Variants in HSCB observed in about 807,000 individuals in gnomAD.
The protein encoded by HSCB is iron-sulfur cluster co-chaperone protein HscB.
HSCB carries 23 observed loss-of-function variants against 31.3 expected under a neutral mutation model. The observed-to-expected ratio is 0.74, with a 90% confidence interval of 0.53 to 1.04. The LOEUF (loss-of-function observed/expected upper bound fraction) is 1.04. HSCB is among the 50% of genes least tolerant of loss of function. HSCB has a pLI of 0.00. For synonymous variants in HSCB, 110 were observed against 104.5 expected (o/e 1.05, Z -0.32); for missense variants, 297 against 288.1 (o/e 1.03, Z -0.22).
intron 1 of HSCB, among the ~76,000 whole-genome samples, chr22:28,743,235 C>T (rs915944031): frequency 2.0e-5 from 3 of 151,924 alleles, no homozygotes; most frequent in African/African-American, 7.3e-5. Context: ...TCTGGCTAAG[C>T]CGACCTAACG....
intron 4 of HSCB, among the ~76,000 whole-genome samples, chr22:28,748,997 C>G (rs1418671795): frequency 6.6e-6 from 1 of 152,028 alleles, no homozygotes; most frequent in Non-Finnish European, 1.5e-5. Context: ...AAAAATTAAC[C>G]AGATGTGGTG....
At chr22:28,754,791 C>T (rs2030487596) in intron 5 of HSCB, among the ~76,000 whole-genome samples, 1 of 129,760 alleles carries the variant, frequency 7.7e-6, no homozygotes, top group Non-Finnish European at 1.6e-5. Flanking sequence ...TCATGTGTTA[C>T]CAACTTAATT....
intron 1 of HSCB, chr22:28,742,570 G>C: frequency 3.2e-6 from 2 of 618,486 alleles, no homozygotes; most frequent in Non-Finnish European, 5.3e-6. Flanking sequence ...GGAGGGGCGG[G>C]CGCTGAAGTT....
chr22:28,745,650 C>G, intron 3 of HSCB: 1 of 393,624 alleles, frequency 2.5e-6, no homozygotes, highest in Non-Finnish European at 4.5e-6. Context: ...ACCCCAAGAT[C>G]ACACCAAGGT....
At chr22:28,744,331 C>A (rs1338553640) in intron 2 of HSCB, among the ~76,000 whole-genome samples, 2 of 152,194 alleles carry the variant, frequency 1.3e-5, no homozygotes, top group Non-Finnish European at 2.9e-5. Flanking sequence ...GCAGGCAGAT[C>A]ACTTGAAGTC....
rs1162668268 is a variant in HSCB, at chr22:28,746,476, G to A, written c.568+468G>A. On this transcript the variant is annotated intron_variant, in intron 4 of 5. Transcript: ENST00000216027. ...ATCTAAAATCTATAGGGTAGGGCTG[G>A]GCACAGTGGCTCATGCCTGTAATCC... 2.6e-5 allele frequency among the ~76,000 whole-genome samples: 4 copies of A among 152,098 alleles called. No individual in the cohort carries two copies. The South Asian group carries it at 6.2e-4, about 24-fold the overall frequency.
intron 5 of HSCB, among the ~76,000 whole-genome samples, chr22:28,753,160 GA>G: frequency 6.6e-6 from 1 of 152,184 alleles, no homozygotes; most frequent in Non-Finnish European, 1.5e-5. Context: ...GACCATTGGA[GA>G]AAGGAATAAG....
chr22:28,746,697 C>T (rs1010374439), intron 4 of HSCB, among the ~76,000 whole-genome samples: 15 of 151,942 alleles, frequency 9.9e-5, no homozygotes, highest in East Asian at 1.9e-4. Flanking sequence ...GTTGGGAGTT[C>T]GAGACCAGCC....
At chr22:28,750,969 T>A (rs1601398906) in intron 4 of HSCB, among the ~76,000 whole-genome samples, 1 of 144,458 alleles carries the variant, frequency 6.9e-6, no homozygotes, top group Non-Finnish European at 1.5e-5. Flanking sequence ...TTTTTTTTTT[T>A]ACTGATTCTA....
At chr22:28,752,688 C>A (rs998763456) in intron 5 of HSCB, among the ~76,000 whole-genome samples, 1 of 149,538 alleles carries the variant, frequency 6.7e-6, no homozygotes, top group African/African-American at 2.5e-5. Context: ...GAGCAGAGAT[C>A]GCGCCACTGC....
chr22:28,748,613 A>G (rs975809596), intron 4 of HSCB, among the ~76,000 whole-genome samples: 5 of 151,592 alleles, frequency 3.3e-5, no homozygotes, highest in Non-Finnish European at 7.4e-5. Flanking sequence ...CCCAGGTTCC[A>G]GCTATTCTCC....
At chr22:28,742,737 G>A (rs771244231) in intron 1 of HSCB, 38 of 211,200 alleles carry the variant, frequency 1.8e-4, no homozygotes, top group Non-Finnish European at 3.3e-4. Flanking sequence ...GGGTGAGTAA[G>A]GTTTAAAGTT....
intron 2 of HSCB, 62 bp downstream of exon 2, chr22:28,744,040 T>C: frequency 5.6e-6 from 7 of 1,243,488 alleles, no homozygotes; most frequent in Non-Finnish European, 8.3e-6. Context: ...GGCAGTAGCC[T>C]TGTGGTTATG....
Position 28,745,856 on chromosome 22 carries a change from C to A in HSCB, c.424-8C>A. On this transcript the variant is annotated splice_polypyrimidine_tract_variant and splice_region_variant and intron_variant, in intron 3 of 5. Transcript: ENST00000216027. ...TCAACTTATTTTTCTTGCTTTCTAC[C>A]CCAATAGCTAAAGCTCCATGGAATA... The A allele has an allele frequency of 6.3e-7, 1 of 1,595,858 alleles. No homozygotes were observed. The highest frequency in any genetic ancestry group is 8.5e-7 in the Non-Finnish European group (1 of 1,173,872).
At chr22:28,742,453 C>T in intron 1 of HSCB, 122 bp downstream of exon 1, 1 of 1,451,588 alleles carries the variant, frequency 6.9e-7, no homozygotes, top group Non-Finnish European at 9.2e-7. Context: ...GGGCGGAGGT[C>T]TAGAGAGCAG....
At chr22:28,746,049 A>T in intron 4 of HSCB, 41 bp downstream of exon 4, 1 of 1,571,346 alleles carries the variant, frequency 6.4e-7, no homozygotes, top group Non-Finnish European at 8.7e-7. Flanking sequence ...CATTGCTGTT[A>T]TGAACACTTG....
Position 28,757,067 on chromosome 22 carries a change from G to T in HSCB, c.617-11G>T, listed in dbSNP as rs528617358. On this transcript the variant is annotated splice_polypyrimidine_tract_variant and intron_variant, in intron 5 of 5. Transcript: ENST00000216027. ...AATGAAGCCTGACTTCAGTGTCTCT[G>T]TCTATTTCAGATGACTTTGAAGAAG... 5 of 1,459,692 alleles carry T rather than the reference G, an allele frequency of 3.4e-6. No homozygotes were observed. The highest frequency in any genetic ancestry group is 4.8e-6 in the Non-Finnish European group (5 of 1,040,128). The allele number at this position is 1,459,692 out of a possible 1,614,324, so 90.4% of individuals were successfully genotyped here.
intron 4 of HSCB, among the ~76,000 whole-genome samples, chr22:28,746,633 C>G (rs1014438127): frequency 6.6e-6 from 1 of 151,768 alleles, no homozygotes; most frequent in African/African-American, 2.4e-5. Context: ...GGTGTGGTGG[C>G]TCACGCCTGT....
chr22:28,742,358 G>A (rs775018576), intron 1 of HSCB, 27 bp downstream of exon 1: 4 of 1,605,994 alleles, frequency 2.5e-6, no homozygotes, highest in Non-Finnish European at 3.4e-6. Context: ...CGGGAAACGG[G>A]CCCGGGCGAG....
Sources: allele counts gnomAD v4.1 joint callset (sites outside exome capture counted in the v4.1 genomes callset), GRCh38; gene constraint gnomAD v4.1.1; transcripts MANE v1.5; gene names NCBI Gene and HGNC (gene_info 2026-07-23, HGNC 2026-07-21).